ZNRF3: variants seen among roughly 807,000 people sequenced by gnomAD.
ZNRF3 encodes zinc and ring finger 3.
In ZNRF3, 23 loss-of-function variants were observed where a neutral mutation model predicts 72.5. That is an observed-to-expected ratio of 0.32 (90% confidence interval 0.23 to 0.45). The LOEUF (loss-of-function observed/expected upper bound fraction) is 0.45, where lower values mean the gene tolerates loss of function less well. Among genes scored for constraint, ZNRF3 ranks in the 20% least tolerant of loss-of-function variants. The pLI is 1.00. For missense variants in ZNRF3, 1,169 were observed against 1,272.1 expected (o/e 0.92, Z 1.23); for synonymous variants, 610 against 545.3 (o/e 1.12, Z -1.65).
chr22:29,033,665 G>A (rs1157398832), intron 2 of ZNRF3, among the ~76,000 whole-genome samples: 1 of 152,146 alleles, frequency 6.6e-6, no homozygotes, highest in Non-Finnish European at 1.5e-5. Flanking sequence ...AACGATGGAT[G>A]GATTTGGAAG....
At chr22:28,960,601 G>T (rs1022422039) in intron 1 of ZNRF3, among the ~76,000 whole-genome samples, 2 of 152,226 alleles carry the variant, frequency 1.3e-5, no homozygotes, top group Non-Finnish European at 2.9e-5. Context: ...CATATTGATA[G>T]GGGCTATATT....
intron 8 of ZNRF3, among the ~76,000 whole-genome samples, chr22:29,052,706 A>G (rs1424522657): frequency 6.6e-6 from 1 of 152,066 alleles, no homozygotes; most frequent in East Asian, 1.9e-4. Context: ...AAAAAAAAAA[A>G]AAGTTAACTC....
Position 29,013,621 on chromosome 22 carries a change from CT to C in ZNRF3, c.426+26421del, listed in dbSNP as rs1380906261. ...AGTTACAGTTACAGCTAATTTAAAG[CT>C]GTATCCAACCAAAATGGTGTTAAGA... is the stretch of plus-strand genomic sequence containing the variant. On this transcript the variant is annotated intron_variant, in intron 2 of 8. Coordinates refer to ENST00000544604, the MANE Select transcript of ZNRF3 (RefSeq NM_001206998.2). Among the ~76,000 whole-genome samples the C allele has an allele frequency of 2.6e-5, 4 of 152,310 alleles. No individual in the cohort carries two copies. In the East Asian group the frequency reaches 7.7e-4, roughly 29 times the overall value.
At chr22:28,947,700 A>C (rs1255442768) in intron 1 of ZNRF3, among the ~76,000 whole-genome samples, 1 of 152,118 alleles carries the variant, frequency 6.6e-6, no homozygotes, top group Admixed American at 6.5e-5. Context: ...TGTCCATTTC[A>C]ATTGGGTTAC....
intron 1 of ZNRF3, among the ~76,000 whole-genome samples, chr22:28,905,135 C>T (rs1056794223): frequency 6.6e-6 from 1 of 152,014 alleles, no homozygotes; most frequent in Non-Finnish European, 1.5e-5. Flanking sequence ...TGAGGTCTTG[C>T]TTTGTTGCCC....
At chr22:29,002,427 G>A (rs1217243257) in intron 2 of ZNRF3, among the ~76,000 whole-genome samples, 6 of 152,156 alleles carry the variant, frequency 3.9e-5, no homozygotes, top group Non-Finnish European at 8.8e-5. Flanking sequence ...GGTACAAGAG[G>A]TGCCATTTTG....
intron 1 of ZNRF3, among the ~76,000 whole-genome samples, chr22:28,963,948 GAAAA>G (rs2035411711): frequency 6.6e-6 from 1 of 152,122 alleles, no homozygotes. Context: ...TGGTTAAAAA[GAAAA>G]GAAAGAAGAA....
At chr22:28,940,485 C>G (rs909995080) in intron 1 of ZNRF3, among the ~76,000 whole-genome samples, 1 of 143,410 alleles carries the variant, frequency 7.0e-6, no homozygotes, top group Non-Finnish European at 1.5e-5. Flanking sequence ...CAGAGCCACA[C>G]TAGGTTTCTG....
chr22:29,053,685 C>A lies in ZNRF3; in HGVS notation c.*63C>A. On this transcript the variant is annotated 3_prime_UTR_variant, in exon 9 of 9. Transcript: ENST00000544604. ...ATGGAGACTCCAAACTGACTTCTTTCAAAAAACAAAAACAAAAAATTTTTT... is the reference window on the plus strand; with the variant it reads ...ATGGAGACTCCAAACTGACTTCTTTAAAAAAACAAAAACAAAAAATTTTTT... The A allele has an allele frequency of 1.3e-6, 2 of 1,504,730 alleles. No individual in the cohort carries two copies. Among genetic ancestry groups the A allele is most frequent in the Non-Finnish European group, 1.8e-6 (2 of 1,113,186 alleles). 93.2% of individuals were successfully genotyped at this position (1,504,730 alleles called of 1,614,324 possible).
chr22:28,942,410 T>G (rs996713691), intron 1 of ZNRF3, among the ~76,000 whole-genome samples: 1 of 152,204 alleles, frequency 6.6e-6, no homozygotes, highest in Non-Finnish European at 1.5e-5. Flanking sequence ...AACCAGAAAC[T>G]AAGTGACAAA....
At chr22:28,900,959 A>T (rs2123752459) in intron 1 of ZNRF3, among the ~76,000 whole-genome samples, 1 of 152,146 alleles carries the variant, frequency 6.6e-6, no homozygotes, top group South Asian at 2.1e-4. Context: ...TTTTTTAAAA[A>T]AATTAGCCAG....
At chr22:29,018,258 C>A in intron 2 of ZNRF3, 1 of 263,094 alleles carries the variant, frequency 3.8e-6, no homozygotes, top group South Asian at 3.8e-5. Flanking sequence ...AGCAGGGATG[C>A]AAAGGGAGAG....
chr22:29,045,356 G>C, intron 5 of ZNRF3, among the ~76,000 whole-genome samples: 1 of 107,502 alleles, frequency 9.3e-6, no homozygotes, highest in African/African-American at 3.7e-5. Flanking sequence ...GTAAGACCCT[G>C]TCTCACAAAA....
chr22:29,049,553 A>C lies in ZNRF3; in HGVS notation c.1372A>C (p.Lys458Gln), dbSNP rs767099069. 5 of 1,604,480 alleles carry C rather than the reference A, an allele frequency of 3.1e-6. No individual in the cohort carries two copies. The highest frequency in any genetic ancestry group is 4.2e-6 in the Non-Finnish European group (5 of 1,177,402). Residue 458 changes from lysine (K) to glutamine (Q), a missense_variant, in exon 8 of 9, where the codon AAG becomes CAG. Physicochemically the swap from Lys to Gln is moderately conservative, Grantham distance 53. Transcript: ENST00000544604. The surrounding 1 kb of genome is among the most constrained non-coding windows in gnomAD (Gnocchi z 5.2). Reference sequence around the variant, plus strand: ...CAAGTTGAGTGGCCGCAGCTTCTCCAAGGCAGCTTGCTTCTCCCAGTATGA... The same window carrying C: ...CAAGTTGAGTGGCCGCAGCTTCTCCCAGGCAGCTTGCTTCTCCCAGTATGA... ...RPKLSGRSFSKAACFSQYETM... is the reference protein window; with the variant it reads ...RPKLSGRSFSQAACFSQYETM...
At position 29,044,759 on chromosome 22, in the gene ZNRF3, T is replaced by C. The variant is rs763364267; in HGVS notation, c.634-21T>C. 6 of 1,564,598 alleles carry C rather than the reference T, an allele frequency of 3.8e-6. No homozygotes were observed. The South Asian group carries it at 4.4e-5, about 12-fold the overall frequency. On this transcript the variant is annotated intron_variant, in intron 4 of 8. Transcript: ENST00000544604. ...AGGCTGGAGAGAGGCTGTGACTCAC[T>C]GTGTCTGTGTTCCGTTCCAGCAACC...
At chr22:29,034,474 C>A (rs115001878) in intron 2 of ZNRF3, among the ~76,000 whole-genome samples, 3,946 of 152,256 alleles carry the variant, frequency 0.026, 82 homozygotes, top group African/African-American at 0.057. Context: ...GCAGAGTCCT[C>A]AAGCGTGCTC....
intron 1 of ZNRF3, among the ~76,000 whole-genome samples, chr22:28,933,255 C>T (rs1569250862): frequency 6.6e-6 from 1 of 152,176 alleles, no homozygotes; most frequent in African/African-American, 2.4e-5. Context: ...CTTTTAAACA[C>T]TGGGGGGATT....
intron 2 of ZNRF3, among the ~76,000 whole-genome samples, chr22:29,008,757 GC>G (rs976155877): frequency 4.2e-4 from 64 of 152,290 alleles, no homozygotes; most frequent in African/African-American, 1.5e-3. Flanking sequence ...TTGTTAACCA[GC>G]TTTAACCAGA....
At chr22:28,986,640 G>A (rs990064560) in intron 1 of ZNRF3, 77 of 985,242 alleles carry the variant, frequency 7.8e-5, no homozygotes, top group South Asian at 5.6e-4. Context: ...ATCCTCTTGC[G>A]TAAGTTGAAG....
Sources: gnomAD v4.1 joint callset for allele counts (sites outside exome capture counted in the v4.1 genomes callset) on GRCh38, gnomAD v4.1.1 for gene constraint, Gnocchi (gnomAD v3.1) non-coding constraint, MANE v1.5 for transcripts, NCBI Gene and HGNC (gene_info 2026-07-23, HGNC 2026-07-21) for gene names.